The following GIPC2 variants were observed in gnomAD, a reference collection of about 807,000 sequenced individuals.
The protein encoded by GIPC2 is PDZ domain-containing protein GIPC2.
GIPC2 carries 30 observed loss-of-function variants against 30.6 expected under a neutral mutation model. That is an observed-to-expected ratio of 0.98 (90% CI 0.73 to 1.33). The LOEUF (loss-of-function observed/expected upper bound fraction) is 1.33. Ranked by LOEUF, GIPC2 falls within the 40% of genes most tolerant of loss-of-function variation. GIPC2 has a pLI of 0.00. For synonymous variants in GIPC2, 167 were observed against 150.0 expected (o/e 1.11, Z -0.83); for missense variants, 414 against 390.3 (o/e 1.06, Z -0.51).
intron 2 of GIPC2, among the ~76,000 whole-genome samples, chr1:78,082,576 G>A (rs767675723): frequency 9.2e-5 from 14 of 152,172 alleles, no homozygotes; most frequent in Non-Finnish European, 1.8e-4. Context: ...TTTCACAAAC[G>A]TGTGTGGATT....
At chr1:78,064,826 C>G (rs1661472305) in intron 1 of GIPC2, among the ~76,000 whole-genome samples, 1 of 146,554 alleles carries the variant, frequency 6.8e-6, no homozygotes, top group East Asian at 2.1e-4. Context: ...TCACTGCAAT[C>G]TCTGCCTCCC....
At chr1:78,052,367 A>G (rs1403728123) in intron 1 of GIPC2, among the ~76,000 whole-genome samples, 1 of 152,190 alleles carries the variant, frequency 6.6e-6, no homozygotes. Context: ...TTGTTTACTG[A>G]TGTGGCCCTC....
chr1:78,082,134 C>T (rs1035961779), intron 2 of GIPC2, among the ~76,000 whole-genome samples: 3 of 152,076 alleles, frequency 2.0e-5, no homozygotes, highest in Non-Finnish European at 4.4e-5. Context: ...GTACTATTTC[C>T]AACCTTATTT....
chr1:78,061,357 C>A (rs1474530262), intron 1 of GIPC2, among the ~76,000 whole-genome samples: 1 of 152,116 alleles, frequency 6.6e-6, no homozygotes, highest in Non-Finnish European at 1.5e-5. Flanking sequence ...AAGAAACTGG[C>A]CTTCATTACT....
intron 1 of GIPC2, among the ~76,000 whole-genome samples, chr1:78,071,474 GTT>G (rs5775440): frequency 3.2e-4 from 46 of 145,806 alleles, no homozygotes; most frequent in African/African-American, 8.8e-4. Context: ...CTTCTAGAAG[GTT>G]TTTTTTTTTG....
At chr1:78,134,306 G>A (rs1662960361) in intron 5 of GIPC2, among the ~76,000 whole-genome samples, 1 of 151,524 alleles carries the variant, frequency 6.6e-6, no homozygotes, top group Non-Finnish European at 1.5e-5. Context: ...CTTGATTCCT[G>A]TTGTTCTGTA....
At chr1:78,109,915 T>A (rs929167653) in intron 3 of GIPC2, among the ~76,000 whole-genome samples, 1 of 152,142 alleles carries the variant, frequency 6.6e-6, no homozygotes, top group African/African-American at 2.4e-5. Flanking sequence ...GAAACCATCA[T>A]TCTCAGCAAA....
At chr1:78,103,933 T>A (rs1191912095) in intron 3 of GIPC2, among the ~76,000 whole-genome samples, 1 of 152,096 alleles carries the variant, frequency 6.6e-6, no homozygotes, top group Non-Finnish European at 1.5e-5. Flanking sequence ...CATAAGGATA[T>A]TAGAGCTTTT....
At chr1:78,093,201 G>A (rs1662071296) in intron 2 of GIPC2, among the ~76,000 whole-genome samples, 1 of 152,104 alleles carries the variant, frequency 6.6e-6, no homozygotes, top group African/African-American at 2.4e-5. Flanking sequence ...ATTATGAATT[G>A]TGTAAAATAT....
intron 3 of GIPC2, among the ~76,000 whole-genome samples, chr1:78,118,211 C>T (rs565714133): frequency 1.3e-5 from 2 of 148,168 alleles, no homozygotes; most frequent in African/African-American, 5.0e-5. Context: ...CATGAGATTA[C>T]TGTAATCGCT....
chr1:78,096,787 A>G lies in GIPC2; in HGVS notation c.607+1655A>G, dbSNP rs529282015. 1.7e-4 allele frequency among the ~76,000 whole-genome samples: 26 copies of G among 152,240 alleles called. No individual in the cohort carries two copies. In the East Asian group the frequency reaches 5.0e-3, roughly 29 times the overall value. On this transcript the variant is annotated intron_variant, in intron 3 of 5. Coordinates refer to ENST00000370759, the MANE Select transcript of GIPC2 (RefSeq NM_017655.6). ...ACCCTGAGTAGGATTTTCCTAATAG[A>G]GGTATATTATTTGAGCATCCTGAAT... is the stretch of plus-strand genomic sequence containing the variant.
Position 78,095,152 on chromosome 1 carries a change from G to A in GIPC2, c.607+20G>A, listed in dbSNP as rs1245012079. The A allele has an allele frequency of 6.3e-7, 1 of 1,575,502 alleles. No individual in the cohort carries two copies. Among genetic ancestry groups the A allele is most frequent in the South Asian group, 1.1e-5 (1 of 89,454 alleles). On this transcript the variant is annotated intron_variant, in intron 3 of 5. Coordinates refer to ENST00000370759, the MANE Select transcript of GIPC2 (RefSeq NM_017655.6). Reference sequence around the variant, plus strand: ...CATTTGGTAAGTCAGGGGTTGGTGGGCGGGTGTGTGAAATGTTTGCTTTCC... The same window carrying A: ...CATTTGGTAAGTCAGGGGTTGGTGGACGGGTGTGTGAAATGTTTGCTTTCC...
chr1:78,130,423 G>A (rs1024525355), intron 5 of GIPC2, among the ~76,000 whole-genome samples: 1 of 152,012 alleles, frequency 6.6e-6, no homozygotes, highest in African/African-American at 2.4e-5. Flanking sequence ...TTTTTATAGT[G>A]AATTCAAAAC....
At chr1:78,106,009 C>T (rs554347547) in intron 3 of GIPC2, among the ~76,000 whole-genome samples, 16 of 151,674 alleles carry the variant, frequency 1.1e-4, no homozygotes, top group East Asian at 9.8e-4. Context: ...CTGAGGTGGG[C>T]GGATCACCTG....
intron 1 of GIPC2, among the ~76,000 whole-genome samples, chr1:78,077,194 T>C (rs1661732606): frequency 6.6e-6 from 1 of 152,158 alleles, no homozygotes; most frequent in Admixed American, 6.5e-5. Context: ...GATGTAAGGG[T>C]AAATACATGC....
In GIPC2 at chr1:78,135,656, C is replaced by T. The variant is rs754158066; in HGVS notation, c.861C>T (p.Asp287=). Residue 287 remains aspartate (D), a synonymous_variant, in exon 6 of 6, where the codon GAC becomes GAT. Transcript: ENST00000370759. ...VNPDEFAVAL[D]ETLGDFAFPD... is the part of the protein sequence containing the mutation. Reference sequence around the variant, plus strand: ...CAGATGAATTTGCTGTGGCACTTGACGAAACTCTTGGAGACTTTGCGTTCC... The same window carrying T: ...CAGATGAATTTGCTGTGGCACTTGATGAAACTCTTGGAGACTTTGCGTTCC... The T allele has an allele frequency of 3.8e-5, 61 of 1,610,910 alleles. No individual in the cohort carries two copies. The highest frequency in any genetic ancestry group is 4.8e-5 in the Non-Finnish European group (57 of 1,177,826).
intron 1 of GIPC2, among the ~76,000 whole-genome samples, chr1:78,047,523 AT>A (rs397947260): frequency 6.2e-4 from 91 of 147,106 alleles, no homozygotes; most frequent in East Asian, 3.6e-3. Flanking sequence ...TTTATATAGG[AT>A]TTTTTTTTTT....
Position 78,105,093 on chromosome 1 carries a change from T to C in GIPC2, c.607+9961T>C, listed in dbSNP as rs116427701. 9.0e-3 allele frequency among the ~76,000 whole-genome samples: 1,374 copies of C among 152,310 alleles called. 17 individuals are homozygous for C. Among genetic ancestry groups the C allele is most frequent in the African/African-American group, 0.031 (1,290 of 41,544 alleles). On this transcript the variant is annotated intron_variant, in intron 3 of 5. Coordinates refer to ENST00000370759, the MANE Select transcript of GIPC2 (RefSeq NM_017655.6). ...GTAATTGATAAATTGGTTTTCAAGG[T>C]AGAGACCCAGCTGGATACCTAAATA... is the stretch of plus-strand genomic sequence containing the variant.
intron 1 of GIPC2, among the ~76,000 whole-genome samples, chr1:78,069,281 A>G (rs960211618): frequency 1.3e-5 from 2 of 152,100 alleles, no homozygotes; most frequent in Non-Finnish European, 2.9e-5. Context: ...ACCTAGAAGA[A>G]TCCTCACATA....
Sources: allele counts gnomAD v4.1 joint callset (sites outside exome capture counted in the v4.1 genomes callset), GRCh38; gene constraint gnomAD v4.1.1; transcripts MANE v1.5; gene names NCBI Gene and HGNC (gene_info 2026-07-23, HGNC 2026-07-21).